ALMS1: variants seen among roughly 807,000 people sequenced by gnomAD.
ALMS1 encodes the protein ALMS1 centrosome and basal body associated protein.
In ALMS1, 271 loss-of-function variants were observed where a neutral mutation model predicts 352.2. The ratio of observed to expected loss-of-function variants is 0.77; its 90% CI spans 0.70 to 0.85. The LOEUF (loss-of-function observed/expected upper bound fraction) is 0.85. ALMS1 is among the 40% of genes least tolerant of loss of function. The pLI, the probability that ALMS1 is intolerant of heterozygous loss-of-function variation, is 0.00. For missense variants in ALMS1, 5,445 were observed against 4,870.7 expected (o/e 1.12, Z -3.51); for synonymous variants, 1,865 against 1,761.2 (o/e 1.06, Z -1.48).
chr2:73,501,523 C>T (rs1359117706), intron 10 of ALMS1, among the ~76,000 whole-genome samples: 1 of 151,940 alleles, frequency 6.6e-6, no homozygotes, highest in African/African-American at 2.4e-5. Context: ...ATTTTCTTTC[C>T]TAGGAATATT....
At position 73,572,910 on chromosome 2, in the gene ALMS1, G is replaced by A. The variant is rs371007945; in HGVS notation, c.11033G>A (p.Arg3678Gln). 3.4e-5 allele frequency: 55 copies of A among 1,613,864 alleles called. No homozygotes were observed. Among genetic ancestry groups the A allele is most frequent in the African/African-American group, 3.1e-4 (23 of 74,926 alleles). Residue 3678 changes from arginine (R) to glutamine (Q), a missense_variant, in exon 16 of 23, where the codon CGG becomes CAG. Physicochemically the swap from Arg to Gln is conservative, Grantham distance 43 (BLOSUM62 1). Transcript: ENST00000613296. Reference protein sequence around the residue: ...QQRNKLQKKKRFKSLEKSHKN... With the variant: ...QQRNKLQKKKQFKSLEKSHKN... ...AGAAATAAGCTTCAGAAAAAGAAGC[G>A]GTTTAAAAGCCTAGAGAAAAGCCAT...
chr2:73,436,546 C>T (rs1378604881), intron 7 of ALMS1, among the ~76,000 whole-genome samples: 1 of 152,180 alleles, frequency 6.6e-6, no homozygotes, highest in African/African-American at 2.4e-5. Flanking sequence ...TCTTGTCTCA[C>T]TGGTCTCTAA....
chr2:73,525,882 T>G (rs1248513040), intron 11 of ALMS1, among the ~76,000 whole-genome samples: 2 of 152,204 alleles, frequency 1.3e-5, no homozygotes, highest in Non-Finnish European at 2.9e-5. Flanking sequence ...TTTCTCAGTG[T>G]TTTCTTCCTG....
chr2:73,533,831 TA>T (rs1187068927), intron 11 of ALMS1, among the ~76,000 whole-genome samples: 1 of 152,194 alleles, frequency 6.6e-6, no homozygotes, highest in African/African-American at 2.4e-5. Flanking sequence ...GGAGGAAGAG[TA>T]AATTGTCGCA....
At chr2:73,476,218 G>A (rs571273329) in intron 9 of ALMS1, among the ~76,000 whole-genome samples, 4 of 152,132 alleles carry the variant, frequency 2.6e-5, no homozygotes, top group African/African-American at 4.8e-5. Context: ...TGTACTATAT[G>A]TCAGAATTTC....
intron 4 of ALMS1, 114 bp downstream of exon 4, chr2:73,423,088 A>G (rs1671315460): frequency 2.2e-6 from 2 of 909,690 alleles, no homozygotes; most frequent in South Asian, 2.7e-5. Flanking sequence ...TACTCTTAGG[A>G]CACGCCCTGA....
chr2:73,533,517 C>T (rs998725990), intron 11 of ALMS1, among the ~76,000 whole-genome samples: 4 of 152,010 alleles, frequency 2.6e-5, no homozygotes, highest in African/African-American at 9.7e-5. Context: ...TAATGGGATA[C>T]CTTTACTGGA....
rs774835325 is a variant in ALMS1 at position 73,602,287 on chromosome 2, C to A, written c.12217C>A (p.Gln4073Lys). The change falls in exon 20 of 23, where the codon CAG becomes AAG. Residue 4073 changes from glutamine (Q) to lysine (K), a missense_variant. Coordinates refer to ENST00000613296, the MANE Select transcript of ALMS1 (RefSeq NM_001378454.1). ...GGAGAGGAAGCTGCAGAGCATGTTA[C>A]AGACCGAGCGGGATGCACTATTCAA... is the stretch of plus-strand genomic sequence containing the variant. ...VQERKLQSMLQTERDALFNID... is the reference protein window; with the variant it reads ...VQERKLQSMLKTERDALFNID... 2.5e-6 allele frequency: 4 copies of A among 1,614,218 alleles called. No homozygotes were observed. Among genetic ancestry groups the A allele is most frequent in the Admixed American group, 3.3e-5 (2 of 60,036 alleles).
intron 11 of ALMS1, 63 bp from the exon 12 acceptor site, chr2:73,534,761 A>C (rs1004985245): frequency 9.0e-6 from 14 of 1,562,990 alleles, no homozygotes; most frequent in Non-Finnish European, 1.1e-5. Flanking sequence ...AAGGCATTCC[A>C]TATTTGTTCA....
chr2:73,471,613 A>G (rs905194281), intron 9 of ALMS1, among the ~76,000 whole-genome samples: 6 of 151,956 alleles, frequency 3.9e-5, no homozygotes, highest in African/African-American at 1.4e-4. Flanking sequence ...ATATGAAAAG[A>G]TATTCAATAT....
chr2:73,428,632 C>T (rs1033459804), intron 6 of ALMS1, among the ~76,000 whole-genome samples: 7 of 152,162 alleles, frequency 4.6e-5, no homozygotes, highest in South Asian at 2.1e-4. Context: ...GACCACTGCT[C>T]CAAATTTTAA....
intron 20 of ALMS1, among the ~76,000 whole-genome samples, chr2:73,602,914 A>G (rs568742121): frequency 1.3e-5 from 2 of 152,364 alleles, no homozygotes; most frequent in South Asian, 2.1e-4. Flanking sequence ...TGCATTCTTA[A>G]CAATTATGAT....
In ALMS1 at chr2:73,424,557, C is replaced by T; in HGVS notation, c.892C>T (p.His298Tyr). ...AAGCAGTCGCTTTAGTGTATCTCAG[C>T]ACCCGCTTATAGGCAGCACAGCTGT... Reference protein sequence around the residue: ...LASSRFSVSQHPLIGSTAVGS... With the variant: ...LASSRFSVSQYPLIGSTAVGS... The change falls in exon 5 of 23, where the codon CAC (histidine) becomes TAC (tyrosine). Residue 298 changes from histidine (H) to tyrosine (Y), a missense_variant. Physicochemically the swap from His to Tyr is moderately conservative, Grantham distance 83. Coordinates refer to ENST00000613296, the MANE Select transcript of ALMS1 (RefSeq NM_001378454.1). The T allele has an allele frequency of 6.2e-7, 1 of 1,613,878 alleles. No individual in the cohort carries two copies. The highest frequency in any genetic ancestry group is 1.1e-5 in the South Asian group (1 of 91,050).
At chr2:73,579,297 T>G (rs1675122528) in intron 16 of ALMS1, among the ~76,000 whole-genome samples, 1 of 151,812 alleles carries the variant, frequency 6.6e-6, no homozygotes, top group Non-Finnish European at 1.5e-5. Flanking sequence ...CGACCTCAGG[T>G]GATCCACCTG....
chr2:73,557,209 C>A lies in ALMS1; in HGVS notation c.10079-11C>A, dbSNP rs368250605. 1 of 1,613,864 alleles carries A rather than the reference C, an allele frequency of 6.2e-7. No homozygotes were observed. The highest frequency in any genetic ancestry group is 1.1e-5 in the South Asian group (1 of 91,048). On this transcript the variant is annotated splice_polypyrimidine_tract_variant and intron_variant, in intron 13 of 22. Coordinates refer to ENST00000613296, the MANE Select transcript of ALMS1 (RefSeq NM_001378454.1). ...TTCCTTTTCTGAAATCAAATGATGT[C>A]GTTATTCCAGATGCCTCAGTTCAAG...
At position 73,471,233 on chromosome 2, in the gene ALMS1, T is replaced by C. The variant is rs1424329062; in HGVS notation, c.7674+15938T>C. 2.6e-5 allele frequency among the ~76,000 whole-genome samples: 4 copies of C among 151,606 alleles called. 1 individual carries two copies. In the South Asian group the frequency reaches 6.2e-4, roughly 24 times the overall value. On this transcript the variant is annotated intron_variant, in intron 9 of 22. Coordinates refer to ENST00000613296, the MANE Select transcript of ALMS1 (RefSeq NM_001378454.1). ...TTTGCTTTGATCCTTCCTTTTTTTT[T>C]TTTCTTTCGTGTATCTTCTATAGGT... is the stretch of plus-strand genomic sequence containing the variant.
chr2:73,401,576 A>T (rs1011708190), intron 1 of ALMS1, among the ~76,000 whole-genome samples: 1 of 151,218 alleles, frequency 6.6e-6, no homozygotes, highest in African/African-American at 2.4e-5. Flanking sequence ...TTTTTCCTTT[A>T]TTGTATATAT....
At position 73,423,401 on chromosome 2, in the gene ALMS1, TCCTTA is replaced by T. The variant is rs1558638709; in HGVS notation, c.764+433_764+437del. Among the ~76,000 whole-genome samples, 9 of 152,324 alleles carry T rather than the reference TCCTTA, an allele frequency of 5.9e-5. No homozygotes were observed. The South Asian group carries it at 1.5e-3, about 25-fold the overall frequency. On this transcript the variant is annotated intron_variant, in intron 4 of 22. Coordinates refer to ENST00000613296, the MANE Select transcript of ALMS1 (RefSeq NM_001378454.1). Reference sequence around the variant, plus strand: ...GTTATTGAATGAGACTAGTTAGCTCTCCTTACCTTATAGGAGGTGTCAATATGAAG... The same window carrying T: ...GTTATTGAATGAGACTAGTTAGCTCTCCTTATAGGAGGTGTCAATATGAAG...
intron 9 of ALMS1, among the ~76,000 whole-genome samples, chr2:73,465,681 T>C (rs1478097646): frequency 2.6e-5 from 4 of 151,544 alleles, no homozygotes; most frequent in Admixed American, 2.0e-4. Flanking sequence ...CAAAAGAAAC[T>C]ACCATCAGAG....
Sources: allele counts gnomAD v4.1 joint callset (sites outside exome capture counted in the v4.1 genomes callset), GRCh38; gene constraint gnomAD v4.1.1; transcripts MANE v1.5; gene names NCBI Gene and HGNC (gene_info 2026-07-23, HGNC 2026-07-21).